Variants in ITGB3 observed in about 807,000 individuals in gnomAD.
The protein encoded by ITGB3 is integrin beta-3.
ITGB3 carries 48 observed loss-of-function variants against 85.8 expected under a neutral mutation model. The ratio of observed to expected loss-of-function variants is 0.56; its 90% CI spans 0.44 to 0.71. The LOEUF (loss-of-function observed/expected upper bound fraction) is 0.71. Among genes scored for constraint, ITGB3 ranks in the 30% least tolerant of loss-of-function variants. The pLI is 0.00. For synonymous variants in ITGB3, 363 were observed against 395.6 expected (o/e 0.92, Z 0.98); for missense variants, 861 against 1,019.1 (o/e 0.84, Z 2.11).
intron 6 of ITGB3, 56 bp downstream of exon 6, chr17:47,287,287 A>G (rs1296464299): frequency 1.9e-6 from 3 of 1,592,870 alleles, no homozygotes; most frequent in Admixed American, 1.7e-5. Context: ...GGTTGCCCTA[A>G]TCTAGGCAGA....
At chr17:47,258,945 T>A (rs2064999867) in intron 1 of ITGB3, among the ~76,000 whole-genome samples, 1 of 152,228 alleles carries the variant, frequency 6.6e-6, no homozygotes, top group Non-Finnish European at 1.5e-5. Context: ...TATCAGTAAC[T>A]CTAAGACATT....
chr17:47,283,477 G>A lies in ITGB3; in HGVS notation c.289G>A (p.Asp97Asn), dbSNP rs1339834843. 4.3e-6 allele frequency: 7 copies of A among 1,614,086 alleles called. No individual in the cohort carries two copies. Among genetic ancestry groups the A allele is most frequent in the East Asian group, 2.2e-5 (1 of 44,898 alleles). ...AGTACTAGAGGACAGGCCCCTCAGCGACAAGGGCTCTGGAGACAGCTCCCA... is the reference window on the plus strand; with the variant it reads ...AGTACTAGAGGACAGGCCCCTCAGCAACAAGGGCTCTGGAGACAGCTCCCA... ...ARVLEDRPLSDKGSGDSSQVT... is the reference protein window; with the variant it reads ...ARVLEDRPLSNKGSGDSSQVT... Residue 97 changes from aspartate (D) to asparagine (N), a missense_variant, in exon 3 of 15, where the codon GAC becomes AAC. Transcript: ENST00000559488.
intron 7 of ITGB3, 91 bp downstream of exon 7, chr17:47,289,867 A>G (rs572032542): frequency 7.9e-5 from 73 of 920,588 alleles, no homozygotes; most frequent in African/African-American, 5.2e-4. Context: ...ACAGTCCCCA[A>G]TCAGGAAAGA....
At position 47,299,635 on chromosome 17, in the gene ITGB3, A is replaced by G; in HGVS notation, c.1913+105A>G. On this transcript the variant is annotated intron_variant, in intron 11 of 14. Coordinates refer to ENST00000559488, the MANE Select transcript of ITGB3 (RefSeq NM_000212.3). The surrounding 1 kb of genome is among the most constrained non-coding windows in gnomAD (Gnocchi z 5.1). ...TGTGTTTCTTGCTCACCAGAGCCTT[A>G]GGGAGAGGAGTCCACTCCAGCCAGA... The G allele has an allele frequency of 9.3e-7, 1 of 1,071,450 alleles. No individual in the cohort carries two copies. The allele number at this position is 1,071,450 out of a possible 1,614,324, so 66.4% of individuals were successfully genotyped here. A position where few individuals can be genotyped will look rare whatever the true frequency, so the allele number is the denominator to read the frequency against.
chr17:47,254,226 GGCGCATCTCTGAGCCCC>G, intron 1 of ITGB3, among the ~76,000 whole-genome samples: 1 of 152,024 alleles, frequency 6.6e-6, no homozygotes, highest in South Asian at 2.1e-4. Context: ...CGGTGCGGTG[GGCGCATCTCTGAGCCCC>G]GCGCTCACCC....
chr17:47,256,426 A>G (rs1270294873), intron 1 of ITGB3, among the ~76,000 whole-genome samples: 1 of 152,034 alleles, frequency 6.6e-6, no homozygotes, highest in Non-Finnish European at 1.5e-5. Flanking sequence ...AGCAGTGTAC[A>G]GTAGTGTTTA....
chr17:47,293,543 CCAAA>C (rs746836773), intron 10 of ITGB3, among the ~76,000 whole-genome samples: 79 of 152,108 alleles, frequency 5.2e-4, no homozygotes, highest in African/African-American at 1.6e-3. Context: ...TATTGTGTGG[CCAAA>C]CAGAGAGATT....
intron 10 of ITGB3, among the ~76,000 whole-genome samples, chr17:47,298,381 G>A (rs1294043905): frequency 6.6e-6 from 1 of 152,126 alleles, no homozygotes; most frequent in Non-Finnish European, 1.5e-5. Context: ...CAGTCTGGGA[G>A]GTAGGGGATA....
At chr17:47,290,052 G>T in intron 7 of ITGB3, 133 bp from the exon 8 acceptor site, 1 of 803,950 alleles carries the variant, frequency 1.2e-6, no homozygotes, top group East Asian at 2.5e-5. Context: ...ATATATTCCT[G>T]GCAGTGACAA....
At chr17:47,297,083 A>G (rs1415286609) in intron 10 of ITGB3, among the ~76,000 whole-genome samples, 1 of 152,190 alleles carries the variant, frequency 6.6e-6, no homozygotes, top group African/African-American at 2.4e-5. Context: ...GTCAATTTGA[A>G]GAATATTCCA....
chr17:47,258,194 C>T (rs1464844331), intron 1 of ITGB3, among the ~76,000 whole-genome samples: 2 of 152,160 alleles, frequency 1.3e-5, no homozygotes, highest in Non-Finnish European at 1.5e-5. Context: ...CTGCTCCACC[C>T]CATCGCCTCT....
In ITGB3 at chr17:47,312,238, A is replaced by C. The variant is rs143482198; in HGVS notation, c.*2034A>C. Among the ~76,000 whole-genome samples, 1 of 152,176 alleles carries C rather than the reference A, an allele frequency of 6.6e-6. No individual in the cohort carries two copies. The highest frequency in any genetic ancestry group is 1.5e-5 in the Non-Finnish European group (1 of 68,046). On this transcript the variant is annotated 3_prime_UTR_variant, in exon 15 of 15. Coordinates refer to ENST00000559488, the MANE Select transcript of ITGB3 (RefSeq NM_000212.3). The stretch of plus-strand genomic sequence containing the variant: ...TCACTTTGCACACATTTGCATCCAC[A>C]TATTAGGGAAGAGGAATCCATAAGT...
intron 9 of ITGB3, among the ~76,000 whole-genome samples, chr17:47,291,804 G>A (rs995107381): frequency 6.6e-6 from 1 of 152,162 alleles, no homozygotes; most frequent in Non-Finnish European, 1.5e-5. Flanking sequence ...ATTATAATCA[G>A]GCCAAAGCAG....
In ITGB3 at chr17:47,293,252, G is replaced by A. The variant is rs532899741; in HGVS notation, c.1690+684G>A. Among the ~76,000 whole-genome samples the A allele has an allele frequency of 2.0e-5, 3 of 152,250 alleles. No homozygotes were observed. The East Asian group carries it at 5.8e-4, about 29-fold the overall frequency. ...CTTCTACTCAGCAGGGTACTGAGTTGTCCTTCTCATTGCAAAATTCAGTAA... is the reference window on the plus strand; with the variant it reads ...CTTCTACTCAGCAGGGTACTGAGTTATCCTTCTCATTGCAAAATTCAGTAA... On this transcript the variant is annotated intron_variant, in intron 10 of 14. Transcript: ENST00000559488.
At chr17:47,285,698 C>G (rs2065100046) in intron 4 of ITGB3, among the ~76,000 whole-genome samples, 1 of 152,178 alleles carries the variant, frequency 6.6e-6, no homozygotes, top group African/African-American at 2.4e-5. Context: ...GGCAAGACAT[C>G]AGCTATTAAT....
chr17:47,297,300 C>T (rs1358414927), intron 10 of ITGB3, among the ~76,000 whole-genome samples: 1 of 152,162 alleles, frequency 6.6e-6, no homozygotes, highest in African/African-American at 2.4e-5. Context: ...GGGAAAGTTA[C>T]TTAACCTCTC....
At chr17:47,294,092 TAGAG>T (rs536192364) in intron 10 of ITGB3, among the ~76,000 whole-genome samples, 87 of 152,356 alleles carry the variant, frequency 5.7e-4, no homozygotes, top group African/African-American at 1.9e-3. Flanking sequence ...GTCAAAATTT[TAGAG>T]AGAGTTTGGA....
At chr17:47,308,736 G>A (rs1251153667) in intron 14 of ITGB3, among the ~76,000 whole-genome samples, 2 of 151,918 alleles carry the variant, frequency 1.3e-5, no homozygotes, top group Admixed American at 6.6e-5. Context: ...TCCTGACCTC[G>A]TGATCACCCG....
At chr17:47,268,393 T>G (rs1353601597) in intron 1 of ITGB3, among the ~76,000 whole-genome samples, 1 of 152,206 alleles carries the variant, frequency 6.6e-6, no homozygotes, top group Non-Finnish European at 1.5e-5. Context: ...GCAAGTCCCT[T>G]CTGCCTATGA....
Sources: allele counts gnomAD v4.1 joint callset (sites outside exome capture counted in the v4.1 genomes callset), GRCh38; gene constraint gnomAD v4.1.1; non-coding constraint Gnocchi (gnomAD v3.1); transcripts MANE v1.5; gene names NCBI Gene and HGNC (gene_info 2026-07-23, HGNC 2026-07-21).